The following ALG10 variants were observed in gnomAD, a reference collection of about 807,000 sequenced individuals.
The protein encoded by ALG10 is dol-P-Glc:Glc(2)Man(9)GlcNAc(2)-PP-Dol alpha-1,2-glucosyltransferase A.
In ALG10, 25 loss-of-function variants were observed where a neutral mutation model predicts 39.2. That is an observed-to-expected ratio of 0.64 (90% CI 0.46 to 0.89). ALG10 has a LOEUF of 0.89. ALG10 is among the 40% of genes least tolerant of loss of function. The pLI is 0.00. For missense variants in ALG10, 486 were observed against 546.6 expected, an observed-to-expected ratio of 0.89 and a Z score of 1.11; for synonymous variants, 184 against 193.9, an observed-to-expected ratio of 0.95 and a Z score of 0.42.
rs199700179 is a variant in ALG10 at position 34,026,050 on chromosome 12, G to A, written c.557G>A (p.Arg186Gln). 75 of 1,613,664 alleles carry A rather than the reference G, an allele frequency of 4.6e-5. No homozygotes were observed. Among genetic ancestry groups the A allele is most frequent in the African/African-American group, 5.3e-5 (4 of 74,818 alleles). The change falls in exon 3 of 3, where the codon CGG becomes CAG. Residue 186 changes from arginine (R) to glutamine (Q), a missense_variant. Coordinates refer to ENST00000266483, the MANE Select transcript of ALG10 (RefSeq NM_032834.4). ...AFLGFCGFMF[R>Q]QTNIIWAVFC... Reference sequence around the variant, plus strand: ...CTTGGATTTTGTGGCTTCATGTTTCGGCAAACAAATATCATCTGGGCTGTC... The same window carrying A: ...CTTGGATTTTGTGGCTTCATGTTTCAGCAAACAAATATCATCTGGGCTGTC...
rs1565602257 is a variant in ALG10 at position 34,022,685 on chromosome 12, G to C, written c.86G>C (p.Arg29Pro). 2 of 1,614,104 alleles carry C rather than the reference G, an allele frequency of 1.2e-6. No individual in the cohort carries two copies. Among genetic ancestry groups the C allele is most frequent in the Non-Finnish European group, 1.7e-6 (2 of 1,180,010 alleles). Residue 29 changes from arginine (R) to proline (P), a missense_variant, in exon 1 of 3, where the codon CGG (arginine) becomes CCG (proline). Coordinates refer to ENST00000266483, the MANE Select transcript of ALG10 (RefSeq NM_032834.4). ...TGCCTCCTCTTCTCCGCCTTCAGCCGGGCGTTGCGAGAGCCCTACATGGAC... is the reference window on the plus strand; with the variant it reads ...TGCCTCCTCTTCTCCGCCTTCAGCCCGGCGTTGCGAGAGCCCTACATGGAC... ...VSCLLFSAFS[R>P]ALREPYMDEI...
In ALG10 at chr12:34,026,439, C is replaced by G; in HGVS notation, c.946C>G (p.Leu316Val). 1 of 1,613,816 alleles carries G rather than the reference C, an allele frequency of 6.2e-7. No homozygotes were observed. The highest frequency in any genetic ancestry group is 1.1e-5 in the South Asian group (1 of 91,062). ...GTCTCCTAGCAAAATTAAGACTTTT[C>G]TTTCCTTAGTTTGGAAACGTAGAAT... ...LLSPSKIKTF[L>V]SLVWKRRILF... The change falls in exon 3 of 3, where the codon CTT (leucine) becomes GTT (valine). Residue 316 changes from leucine to valine, a missense_variant. Coordinates refer to ENST00000266483, the MANE Select transcript of ALG10 (RefSeq NM_032834.4).
In ALG10 at chr12:34,022,787, G is replaced by A; in HGVS notation, c.171+17G>A. 6.2e-7 allele frequency: 1 copy of A among 1,614,010 alleles called. No individual in the cohort carries two copies. ...CTTTCCCAGGTGGGGTCCCCAACCT[G>A]TCCCCACCCCAGGAGAGGCCTGAGA... is the stretch of plus-strand genomic sequence containing the variant. On this transcript the variant is annotated intron_variant, in intron 1 of 2. Transcript: ENST00000266483.
At chr12:34,023,314 A>G (rs1591869443) in intron 1 of ALG10, 2 of 170,698 alleles carry the variant, frequency 1.2e-5, no homozygotes, top group South Asian at 2.8e-4. Flanking sequence ...CTGTGCAAGT[A>G]TGTACATATA....
rs1472851785 is a variant in ALG10, at chr12:34,022,549, G to C, written c.-51G>C. 6.2e-7 allele frequency: 1 copy of C among 1,613,638 alleles called. No homozygotes were observed. The highest frequency in any genetic ancestry group is 1.1e-5 in the South Asian group (1 of 91,054). On this transcript the variant is annotated 5_prime_UTR_variant, in exon 1 of 3. Coordinates refer to ENST00000266483, the MANE Select transcript of ALG10 (RefSeq NM_032834.4). ...CCAAGTTTCCAGCTCGGGTTTCCAG[G>C]CTCAGAATTTTCCAGGAGTAGGTTC...
chr12:34,026,898 C>T lies in ALG10; in HGVS notation c.1405C>T (p.Gln469Ter). ...TCAGTGGCCAAATAGTCAGGACATTCAAAGGTTTATGTGGTAATATCAGTG... is the reference window on the plus strand; with the variant it reads ...TCAGTGGCCAAATAGTCAGGACATTTAAAGGTTTATGTGGTAATATCAGTG... ...TFQWPNSQDIQRFMW is the reference protein window; with the variant it reads ...TFQWPNSQDI The change falls in exon 3 of 3, where the codon CAA becomes TAA. Residue 469 changes from glutamine (Q) to a stop codon, truncating the protein, a stop_gained. Coordinates refer to ENST00000266483, the MANE Select transcript of ALG10 (RefSeq NM_032834.4). LOFTEE classifies it high-confidence loss of function. The T allele has an allele frequency of 6.2e-7, 1 of 1,613,452 alleles. No homozygotes were observed. The highest frequency in any genetic ancestry group is 1.7e-4 in the Middle Eastern group (1 of 6,060).
At position 34,023,191 on chromosome 12, in the gene ALG10, C is replaced by T. The variant is rs1335936207; in HGVS notation, c.171+421C>T. ...GGTGGACTGGAGGGATCTTCAGCTA[C>T]CAAAAAGTGACAATTTATAATCACA... On this transcript the variant is annotated intron_variant, in intron 1 of 2. Transcript: ENST00000266483. 4 of 175,220 alleles carry T rather than the reference C, an allele frequency of 2.3e-5. No individual in the cohort carries two copies. The South Asian group carries it at 5.8e-4, about 25-fold the overall frequency. The allele number at this position is 175,220 out of a possible 1,614,324, so 10.9% of individuals were successfully genotyped here. A position where few individuals can be genotyped will look rare whatever the true frequency, so the allele number is the denominator to read the frequency against.
Position 34,026,270 on chromosome 12 carries a change from T to G in ALG10, c.777T>G (p.Leu259=), listed in dbSNP as rs1468843023. Residue 259 remains leucine (L), a synonymous_variant, in exon 3 of 3, where the codon CTT becomes CTG. Coordinates refer to ENST00000266483, the MANE Select transcript of ALG10 (RefSeq NM_032834.4). ...TGCTTCTGACTTGGCCCTACATCCT[T>G]CTGGGATTTCTGTTTTGTGCTTTTG... is the stretch of plus-strand genomic sequence containing the variant. The part of the protein sequence containing the change: ...MLLLLTWPYI[L]LGFLFCAFVV... The G allele has an allele frequency of 6.2e-7, 1 of 1,614,142 alleles. No individual in the cohort carries two copies. Among genetic ancestry groups the G allele is most frequent in the South Asian group, 1.1e-5 (1 of 91,082 alleles).
chr12:34,026,344 C>G lies in ALG10; in HGVS notation c.851C>G (p.Ala284Gly), dbSNP rs760308366. 9.3e-6 allele frequency: 15 copies of G among 1,613,840 alleles called. No individual in the cohort carries two copies. In the South Asian group the frequency reaches 1.3e-4, roughly 14 times the overall value. The change falls in exon 3 of 3, where the codon GCC (alanine) becomes GGC (glycine). Residue 284 changes from alanine to glycine, a missense_variant. Coordinates refer to ENST00000266483, the MANE Select transcript of ALG10 (RefSeq NM_032834.4). ...ATTGGCGATCGGAGTAGTCATGAAG[C>G]CTGTCTTCATTTTCCTCAACTATTC... ...IVIGDRSSHEACLHFPQLFYF... is the reference protein window; with the variant it reads ...IVIGDRSSHEGCLHFPQLFYF...
At position 34,026,535 on chromosome 12, in the gene ALG10, C is replaced by G. The variant is rs553709023; in HGVS notation, c.1042C>G (p.Leu348Val). The G allele has an allele frequency of 6.2e-7, 1 of 1,613,606 alleles. No individual in the cohort carries two copies. The highest frequency in any genetic ancestry group is 1.3e-5 in the African/African-American group (1 of 74,886). The change falls in exon 3 of 3, where the codon CTA becomes GTA. Residue 348 changes from leucine (L) to valine (V), a missense_variant. Coordinates refer to ENST00000266483, the MANE Select transcript of ALG10 (RefSeq NM_032834.4). ...ATTCACTTATGCTCATAAATACTTGCTAGCAGACAATAGACATTATACTTT... is the reference window on the plus strand; with the variant it reads ...ATTCACTTATGCTCATAAATACTTGGTAGCAGACAATAGACATTATACTTT... ...WKFTYAHKYL[L>V]ADNRHYTFYV...
intron 1 of ALG10, 177 bp from the exon 2 acceptor site, chr12:34,023,785 G>A (rs546435299): frequency 1.8e-5 from 14 of 774,828 alleles, no homozygotes; most frequent in Admixed American, 1.3e-4. Context: ...AAGCTGGTCC[G>A]GGGGCAAAAA....
chr12:34,022,630 G>A lies in ALG10; in HGVS notation c.31G>A (p.Ala11Thr). 1 of 1,614,144 alleles carries A rather than the reference G, an allele frequency of 6.2e-7. No individual in the cohort carries two copies. Among genetic ancestry groups the A allele is most frequent in the South Asian group, 1.1e-5 (1 of 91,078 alleles). Reference sequence around the variant, plus strand: ...GCAGCTGGAAGGTTACTATTTCTCGGCCGCCTTGAGCTGTACCTTTTTAGT... The same window carrying A: ...GCAGCTGGAAGGTTACTATTTCTCGACCGCCTTGAGCTGTACCTTTTTAGT... MAQLEGYYFS[A>T]ALSCTFLVSC... Residue 11 changes from alanine to threonine, a missense_variant, in exon 1 of 3, where the codon GCC becomes ACC. Ala to Thr is a moderately conservative substitution (Grantham distance 58). Transcript: ENST00000266483.
Position 34,022,641 on chromosome 12 carries a change from C to CTGTAA in ALG10, c.46_47insATGTA (p.Thr16AsnfsTer5). 1 of 1,614,148 alleles carries CTGTAA rather than the reference C, an allele frequency of 6.2e-7. No homozygotes were observed. Among genetic ancestry groups the CTGTAA allele is most frequent in the Non-Finnish European group, 8.5e-7 (1 of 1,180,006 alleles). ...GTTACTATTTCTCGGCCGCCTTGAG[C>CTGTAA]TGTACCTTTTTAGTATCCTGCCTCC... On this transcript the variant is annotated frameshift_variant, in exon 1 of 3. Transcript: ENST00000266483. LOFTEE classifies it high-confidence loss of function.
At position 34,026,839 on chromosome 12, in the gene ALG10, T is replaced by C; in HGVS notation, c.1346T>C (p.Phe449Ser). 6.2e-7 allele frequency: 1 copy of C among 1,613,896 alleles called. No individual in the cohort carries two copies. Among genetic ancestry groups the C allele is most frequent in the Admixed American group, 1.7e-5 (1 of 60,018 alleles). ...CTGAGCTGCTATGCAGTTGTTAATT[T>C]CATAACTTTTTTCATCTTTCTGAAC... ...CELSCYAVVN[F>S]ITFFIFLNKT... Residue 449 changes from phenylalanine to serine, a missense_variant, in exon 3 of 3, where the codon TTC becomes TCC. Physicochemically the swap from Phe to Ser is radical, Grantham distance 155 (BLOSUM62 -2). Coordinates refer to ENST00000266483, the MANE Select transcript of ALG10 (RefSeq NM_032834.4).
At position 34,027,400 on chromosome 12, in the gene ALG10, T is replaced by C. The variant is rs1942845958; in HGVS notation, c.*485T>C. On this transcript the variant is annotated 3_prime_UTR_variant, in exon 3 of 3. Coordinates refer to ENST00000266483, the MANE Select transcript of ALG10 (RefSeq NM_032834.4). ...ATATTTACAAATGGTCAGGTGATAT[T>C]CTTGATTGAAAAGTTGCTTAACATT... is the stretch of plus-strand genomic sequence containing the variant. 1 of 152,608 alleles carries C rather than the reference T, an allele frequency of 6.6e-6. No individual in the cohort carries two copies. Among genetic ancestry groups the C allele is most frequent in the East Asian group, 1.9e-4 (1 of 5,186 alleles). The allele number at this position is 152,608 out of a possible 1,614,324, so 9.5% of individuals were successfully genotyped here. A position where few individuals can be genotyped will look rare whatever the true frequency, so the allele number is the denominator to read the frequency against.
In ALG10 at chr12:34,026,055, A is replaced by G; in HGVS notation, c.562A>G (p.Thr188Ala). The change falls in exon 3 of 3, where the codon ACA (threonine) becomes GCA (alanine). Residue 188 changes from threonine (T) to alanine (A), a missense_variant. Physicochemically the swap from Thr to Ala is moderately conservative, Grantham distance 58 (BLOSUM62 0). Transcript: ENST00000266483. The stretch of plus-strand genomic sequence containing the variant: ...ATTTTGTGGCTTCATGTTTCGGCAA[A>G]CAAATATCATCTGGGCTGTCTTCTG... ...LGFCGFMFRQ[T>A]NIIWAVFCAG... 1 of 1,614,090 alleles carries G rather than the reference A, an allele frequency of 6.2e-7. No homozygotes were observed.
At position 34,026,824 on chromosome 12, in the gene ALG10, A is replaced by C. The variant is rs1235555019; in HGVS notation, c.1331A>C (p.Tyr444Ser). The C allele has an allele frequency of 6.2e-7, 1 of 1,613,964 alleles. No homozygotes were observed. The highest frequency in any genetic ancestry group is 1.1e-5 in the South Asian group (1 of 91,078). Residue 444 changes from tyrosine (Y) to serine (S), a missense_variant, in exon 3 of 3, where the codon TAT becomes TCT. Transcript: ENST00000266483. ...TSRLICELSC[Y>S]AVVNFITFFI... ...AGACTCATTTGTGAACTGAGCTGCT[A>C]TGCAGTTGTTAATTTCATAACTTTT...
chr12:34,026,398 C>T lies in ALG10; in HGVS notation c.905C>T (p.Ser302Phe), dbSNP rs1307829081. 1.2e-6 allele frequency: 2 copies of T among 1,613,510 alleles called. No homozygotes were observed. Among genetic ancestry groups the T allele is most frequent in the East Asian group, 2.2e-5 (1 of 44,868 alleles). Residue 302 changes from serine (S) to phenylalanine (F), a missense_variant, in exon 3 of 3, where the codon TCC becomes TTC. Coordinates refer to ENST00000266483, the MANE Select transcript of ALG10 (RefSeq NM_032834.4). ...TTTTTTTCATTTACTCTCTTTTTTT[C>T]CTTTCCTCATCTCCTGTCTCCTAGC... ...FYFFSFTLFF[S>F]FPHLLSPSKI...
Position 34,026,958 on chromosome 12 carries a change from G to A in ALG10, c.*43G>A, listed in dbSNP as rs1172222546. ...ACTGTGAAAATGGACTTAATAATTAGACCATTTCTACAAAGAACAACTGAA... is the reference window on the plus strand; with the variant it reads ...ACTGTGAAAATGGACTTAATAATTAAACCATTTCTACAAAGAACAACTGAA... On this transcript the variant is annotated 3_prime_UTR_variant, in exon 3 of 3. Transcript: ENST00000266483. 6.3e-7 allele frequency: 1 copy of A among 1,591,884 alleles called. No homozygotes were observed. The highest frequency in any genetic ancestry group is 2.2e-5 in the East Asian group (1 of 44,638).
Sources: gnomAD v4.1 joint callset for allele counts on GRCh38, gnomAD v4.1.1 for gene constraint, MANE v1.5 for transcripts, NCBI Gene and HGNC (gene_info 2026-07-23, HGNC 2026-07-21) for gene names.